The following MFGE8 variants were observed in gnomAD, a reference collection of about 807,000 sequenced individuals.
The protein encoded by MFGE8 is lactadherin.
MFGE8 carries 34 observed loss-of-function variants against 42.6 expected under a neutral mutation model. The ratio of observed to expected loss-of-function variants is 0.80; its 90% CI spans 0.61 to 1.06. The LOEUF (loss-of-function observed/expected upper bound fraction) is 1.06. MFGE8 is among the 50% of genes least tolerant of loss of function. The pLI is 0.00. For synonymous variants in MFGE8, 230 were observed against 214.8 expected (o/e 1.07, Z -0.62); for missense variants, 510 against 516.9 (o/e 0.99, Z 0.13).
rs527844912 is a variant in MFGE8 at position 88,912,485 on chromosome 15, C to G, written c.73+762G>C. ...ATGATGGAGGGGCCACCTAAAGAGTCCTGGCCCTGACTCCCTCCCAGCGCT... is the reference window on the plus strand; with the variant it reads ...ATGATGGAGGGGCCACCTAAAGAGTGCTGGCCCTGACTCCCTCCCAGCGCT... On this transcript the variant is annotated intron_variant, in intron 1 of 7. Coordinates refer to ENST00000268150, the MANE Select transcript of MFGE8 (RefSeq NM_005928.4). The G allele has an allele frequency of 1.2e-4, 116 of 985,420 alleles. 3 individuals carry two copies. The South Asian group carries it at 4.2e-3, about 36-fold the overall frequency. 61.0% of individuals were successfully genotyped at this position (985,420 alleles called of 1,614,324 possible).
intron 1 of MFGE8, chr15:88,912,770 C>T: frequency 1.0e-6 from 1 of 985,418 alleles, no homozygotes; most frequent in Non-Finnish European, 1.2e-6. Context: ...TGTGACCAGG[C>T]ACGGACAATT....
Position 88,899,796 on chromosome 15 carries a change from A to G in MFGE8, c.886T>C (p.Ser296Pro), listed in dbSNP as rs1174250275. ...GTGATGATGCCTGTCACCTCCTTCG[A>G]GGAGCCCAGGTCCACCTACAGAAGA... ...DQWLQVDLGS[S>P]KEVTGIITQG... The change falls in exon 7 of 8, where the codon TCG (serine) becomes CCG (proline). Residue 296 changes from serine to proline, a missense_variant. Ser to Pro is a moderately conservative substitution (Grantham distance 74). Coordinates refer to ENST00000268150, the MANE Select transcript of MFGE8 (RefSeq NM_005928.4). This position sits in a 1 kb window ranked among gnomAD's most constrained non-coding sequence, Gnocchi z 6.8. 1 of 1,613,972 alleles carries G rather than the reference A, an allele frequency of 6.2e-7. No homozygotes were observed. The highest frequency in any genetic ancestry group is 8.5e-7 in the Non-Finnish European group (1 of 1,179,880).
At chr15:88,908,207 C>T (rs1451172686) in intron 2 of MFGE8, among the ~76,000 whole-genome samples, 2 of 152,184 alleles carry the variant, frequency 1.3e-5, no homozygotes, top group African/African-American at 2.4e-5. Context: ...CCAGCGTGTG[C>T]CTGGGCCTTC....
At position 88,905,746 on chromosome 15, in the gene MFGE8, C is replaced by G; in HGVS notation, c.685+11G>C. 3 of 1,614,046 alleles carry G rather than the reference C, an allele frequency of 1.9e-6. No individual in the cohort carries two copies. Among genetic ancestry groups the G allele is most frequent in the Non-Finnish European group, 2.5e-6 (3 of 1,180,024 alleles). On this transcript the variant is annotated intron_variant, in intron 5 of 7. Transcript: ENST00000268150. This position sits in a 1 kb window ranked among gnomAD's most constrained non-coding sequence, Gnocchi z 6.6. ...CAACAGTGCCCCCCTACCCGCACCC[C>G]CAGCACTCACCGTTCAGCTCACAGC...
At position 88,899,227 on chromosome 15, in the gene MFGE8, G is replaced by A. The variant is rs1898245267; in HGVS notation, c.*168C>T. 1 of 895,372 alleles carries A rather than the reference G, an allele frequency of 1.1e-6. No individual in the cohort carries two copies. Among genetic ancestry groups the A allele is most frequent in the Non-Finnish European group, 1.7e-6 (1 of 581,066 alleles). The allele number at this position is 895,372 out of a possible 1,614,324, so 55.5% of individuals were successfully genotyped here. A position where few individuals can be genotyped will look rare whatever the true frequency, so the allele number is the denominator to read the frequency against. On this transcript the variant is annotated 3_prime_UTR_variant, in exon 8 of 8. Coordinates refer to ENST00000268150, the MANE Select transcript of MFGE8 (RefSeq NM_005928.4). The surrounding 1 kb of genome is among the most constrained non-coding windows in gnomAD (Gnocchi z 6.8). The stretch of plus-strand genomic sequence containing the variant: ...TTAGGGGCTGGGGCAGGGCCCGTGA[G>A]AGGTGGAGGGTGGGAAAGAGGGAGG...
At position 88,905,522 on chromosome 15, in the gene MFGE8, G is replaced by A. The variant is rs773894001; in HGVS notation, c.685+235C>T. 2.6e-5 allele frequency: 18 copies of A among 689,478 alleles called. No individual in the cohort carries two copies. The highest frequency in any genetic ancestry group is 4.8e-5 in the Non-Finnish European group (18 of 378,630). 42.7% of individuals were successfully genotyped at this position (689,478 alleles called of 1,614,324 possible). ...AAGGGAAAATACTTTGAAAACTGAT[G>A]TCTTTTTCTCTATCAATCAGAATGC... is the stretch of plus-strand genomic sequence containing the variant. On this transcript the variant is annotated intron_variant, in intron 5 of 7. Coordinates refer to ENST00000268150, the MANE Select transcript of MFGE8 (RefSeq NM_005928.4). The surrounding 1 kb of genome is among the most constrained non-coding windows in gnomAD (Gnocchi z 6.6).
In MFGE8 at chr15:88,906,555, G is replaced by T; in HGVS notation, c.540+71C>A. 1 of 1,576,040 alleles carries T rather than the reference G, an allele frequency of 6.3e-7. No individual in the cohort carries two copies. The highest frequency in any genetic ancestry group is 8.7e-7 in the Non-Finnish European group (1 of 1,146,512). On this transcript the variant is annotated intron_variant, in intron 4 of 7. Coordinates refer to ENST00000268150, the MANE Select transcript of MFGE8 (RefSeq NM_005928.4). The surrounding 1 kb of genome is among the most constrained non-coding windows in gnomAD (Gnocchi z 4.2). ...CTAGGGTTCTCTGGACTCGCTGGGG[G>T]TCCTCAGTCAATGCTAGAACCTTAG...
At chr15:88,909,408 T>C (rs1358576193) in intron 2 of MFGE8, among the ~76,000 whole-genome samples, 1 of 152,220 alleles carries the variant, frequency 6.6e-6, no homozygotes, top group Non-Finnish European at 1.5e-5. Flanking sequence ...AAGAATGTGT[T>C]TGTTTTCCCC....
At chr15:88,909,653 T>C (rs1416331180) in intron 2 of MFGE8, 139 bp downstream of exon 2, 55 of 1,220,894 alleles carry the variant, frequency 4.5e-5, no homozygotes, top group Non-Finnish European at 6.6e-5. Context: ...TCTCTGAGTC[T>C]CCCCAGAGGA....
chr15:88,900,173 C>T (rs902004701), intron 6 of MFGE8, among the ~76,000 whole-genome samples: 3 of 144,090 alleles, frequency 2.1e-5, no homozygotes, highest in East Asian at 2.2e-4. Context: ...ACCTGGGAGG[C>T]GGAGGTTGCG....
Position 88,906,585 on chromosome 15 carries a change from T to C in MFGE8, c.540+41A>G, listed in dbSNP as rs1435450424. 1 of 1,612,064 alleles carries C rather than the reference T, an allele frequency of 6.2e-7. No homozygotes were observed. The highest frequency in any genetic ancestry group is 1.7e-5 in the Admixed American group (1 of 59,972). On this transcript the variant is annotated intron_variant, in intron 4 of 7. Coordinates refer to ENST00000268150, the MANE Select transcript of MFGE8 (RefSeq NM_005928.4). The surrounding 1 kb of genome is among the most constrained non-coding windows in gnomAD (Gnocchi z 4.2). ...CAGTCAATGCTAGAACCTTAGGGGG[T>C]ATGGACCACAGCCCTTCTTTCGGGC...
At position 88,907,307 on chromosome 15, in the gene MFGE8, C is replaced by G. The variant is rs377045000; in HGVS notation, c.275G>C (p.Arg92Pro). The stretch of plus-strand genomic sequence containing the variant: ...ATGCTGCAAACCCAAGAAGGTCACA[C>G]GCACAGACGAGGCGGCGATCTGTGA... ...ANSQIAASSV[R>P]VTFLGLQHWV... The change falls in exon 3 of 8, where the codon CGT (arginine) becomes CCT (proline). Residue 92 changes from arginine (R) to proline (P), a missense_variant. Transcript: ENST00000268150. 6.2e-7 allele frequency: 1 copy of G among 1,614,172 alleles called. No individual in the cohort carries two copies. The highest frequency in any genetic ancestry group is 1.1e-5 in the South Asian group (1 of 91,086).
chr15:88,901,151 TCACACACACATTCA>T (rs1445807568), intron 6 of MFGE8, among the ~76,000 whole-genome samples: 4 of 40,158 alleles, frequency 1.0e-4, no homozygotes, highest in African/African-American at 2.9e-4. Context: ...ACACACATTC[TCACACACACATTCA>T]CACACATTCT....
At position 88,901,629 on chromosome 15, in the gene MFGE8, G is replaced by A. The variant is rs148944172; in HGVS notation, c.792C>T (p.Pro264=). 6.2e-7 allele frequency: 1 copy of A among 1,613,948 alleles called. No individual in the cohort carries two copies. Among genetic ancestry groups the A allele is most frequent in the African/African-American group, 1.3e-5 (1 of 74,964 alleles). ...TWGLHLFSWN[P]SYARLDKQGN... is the part of the protein sequence containing the mutation. ...CCTGCTTGTCCAGCCGTGCATAGGA[G>A]GGGTTCCAGCTGAAGAGATGCAAGC... is the stretch of plus-strand genomic sequence containing the variant. Residue 264 remains proline (P), a synonymous_variant, in exon 6 of 8, where the codon CCC becomes CCT. Transcript: ENST00000268150.
chr15:88,910,098 G>A, intron 1 of MFGE8, 175 bp from the exon 2 acceptor site: 2 of 786,236 alleles, frequency 2.5e-6, no homozygotes, highest in East Asian at 2.8e-5. Flanking sequence ...TAGAGCCAAG[G>A]AAGTCCATGT....
Position 88,902,160 on chromosome 15 carries a change from CCCA to C in MFGE8, c.686-428_686-426del. On this transcript the variant is annotated intron_variant, in intron 5 of 7. Transcript: ENST00000268150. This position sits in a 1 kb window ranked among gnomAD's most constrained non-coding sequence, Gnocchi z 4.3. ...CCCATCGCCTCGGCCTCCCATCCGTCCCATGGCACAGTCACTATCTACTTTAAT... is the reference window on the plus strand; with the variant it reads ...CCCATCGCCTCGGCCTCCCATCCGTCTGGCACAGTCACTATCTACTTTAAT... 1.3e-5 allele frequency: 3 copies of C among 228,286 alleles called. No homozygotes were observed. The highest frequency in any genetic ancestry group is 5.0e-5 in the Admixed American group (1 of 20,000). The allele number at this position is 228,286 out of a possible 1,614,324, so 14.1% of individuals were successfully genotyped here. A position where few individuals can be genotyped will look rare whatever the true frequency, so the allele number is the denominator to read the frequency against.
Position 88,905,111 on chromosome 15 carries a change from CT to C in MFGE8, c.685+645del, listed in dbSNP as rs932860307. Among the ~76,000 whole-genome samples the C allele has an allele frequency of 6.6e-6, 1 of 152,222 alleles. No homozygotes were observed. The highest frequency in any genetic ancestry group is 6.5e-5 in the Admixed American group (1 of 15,286). On this transcript the variant is annotated intron_variant, in intron 5 of 7. Transcript: ENST00000268150. This position sits in a 1 kb window ranked among gnomAD's most constrained non-coding sequence, Gnocchi z 6.6. ...TCCCCAGCTCTTCATCTGGGAATCT[CT>C]TTGGAAAAGGCAGCAGGAAGCACCA...
intron 6 of MFGE8, among the ~76,000 whole-genome samples, chr15:88,901,143 ACACATTCT>A (rs1898370933): frequency 8.5e-6 from 1 of 117,728 alleles, no homozygotes; most frequent in Non-Finnish European, 2.0e-5. Flanking sequence ...ACATTCACAC[ACACATTCT>A]CACACACACA....
At position 88,899,101 on chromosome 15, in the gene MFGE8, A is replaced by G. The variant is rs1389998413; in HGVS notation, c.*294T>C. 1 of 496,230 alleles carries G rather than the reference A, an allele frequency of 2.0e-6. No individual in the cohort carries two copies. The highest frequency in any genetic ancestry group is 3.7e-6 in the Non-Finnish European group (1 of 271,300). The allele number at this position is 496,230 out of a possible 1,614,324, so 30.7% of individuals were successfully genotyped here. ...CGGTCCGGACAGGGGCAGGGAAACC[A>G]CACGCCCTACTTTGCCCTTTCCTGT... On this transcript the variant is annotated 3_prime_UTR_variant, in exon 8 of 8. Coordinates refer to ENST00000268150, the MANE Select transcript of MFGE8 (RefSeq NM_005928.4). The surrounding 1 kb of genome is among the most constrained non-coding windows in gnomAD (Gnocchi z 6.8).
Sources: gnomAD v4.1 joint callset for allele counts (sites outside exome capture counted in the v4.1 genomes callset) on GRCh38, gnomAD v4.1.1 for gene constraint, Gnocchi (gnomAD v3.1) non-coding constraint, MANE v1.5 for transcripts, NCBI Gene and HGNC (gene_info 2026-07-23, HGNC 2026-07-21) for gene names.